Variants in ARFGEF1 observed in about 807,000 individuals in gnomAD.
ARFGEF1 encodes the protein ARF guanine nucleotide exchange factor 1, also known as brefeldin A-inhibited guanine nucleotide-exchange protein 1.
ARFGEF1 carries 42 observed loss-of-function variants against 231.0 expected under a neutral mutation model. That is an observed-to-expected ratio of 0.18 (90% CI 0.14 to 0.24). ARFGEF1 has a LOEUF of 0.24. Ranked by LOEUF, ARFGEF1 falls within the 10% of genes least tolerant of loss-of-function variation. The pLI is 1.00. For synonymous variants in ARFGEF1, 710 were observed against 732.3 expected, an observed-to-expected ratio of 0.97 and a Z score of 0.49; for missense variants, 1,345 against 2,192.0, an observed-to-expected ratio of 0.61 and a Z score of 7.72.
At chr8:67,200,901 A>G (rs1161315426) in intron 37 of ARFGEF1, among the ~76,000 whole-genome samples, 1 of 152,198 alleles carries the variant, frequency 6.6e-6, no homozygotes, top group Non-Finnish European at 1.5e-5. Context: ...GCCTTAATCA[A>G]TCAGTCTTGT....
At chr8:67,335,155 G>A (rs945399600) in intron 1 of ARFGEF1, among the ~76,000 whole-genome samples, 1 of 147,662 alleles carries the variant, frequency 6.8e-6, no homozygotes, top group Non-Finnish European at 1.5e-5. Flanking sequence ...ACCCAGGCTG[G>A]AGTGCAGTGG....
chr8:67,213,878 G>C (rs1838834446), intron 33 of ARFGEF1, among the ~76,000 whole-genome samples: 1 of 152,204 alleles, frequency 6.6e-6, no homozygotes. Context: ...AATCACGTAA[G>C]CCAGTTCCTT....
intron 7 of ARFGEF1, among the ~76,000 whole-genome samples, chr8:67,281,137 T>C (rs1379136325): frequency 6.6e-6 from 1 of 151,540 alleles, no homozygotes; most frequent in Non-Finnish European, 1.5e-5. Flanking sequence ...ATTTGCAAAA[T>C]GGAAAAACCC....
At chr8:67,232,159 C>T (rs1839574649) in intron 23 of ARFGEF1, among the ~76,000 whole-genome samples, 1 of 151,676 alleles carries the variant, frequency 6.6e-6, no homozygotes, top group African/African-American at 2.4e-5. Context: ...AAGATTTGTA[C>T]AAATTATGTT....
chr8:67,244,988 CAAAT>C (rs927554134), intron 19 of ARFGEF1, among the ~76,000 whole-genome samples: 3 of 150,332 alleles, frequency 2.0e-5, no homozygotes, highest in Non-Finnish European at 4.4e-5. Context: ...AGAAAAGAAA[CAAAT>C]AACATACAAT....
In ARFGEF1 at chr8:67,266,150, T is replaced by C; in HGVS notation, c.1979A>G (p.Asn660Ser). ...MSEIKHPETINRYGSLNSLES... is the reference protein window; with the variant it reads ...MSEIKHPETISRYGSLNSLES... Reference sequence around the variant, plus strand: ...CAGGGAATTTAAACTTCCGTATCTGTTTATTGTCTCAGGGTGTTTGATTTC... The same window carrying C: ...CAGGGAATTTAAACTTCCGTATCTGCTTATTGTCTCAGGGTGTTTGATTTC... The change falls in exon 14 of 39, where the codon AAC (asparagine) becomes AGC (serine). Residue 660 changes from asparagine to serine, a missense_variant. By Grantham distance (46) the Asn-to-Ser change is conservative. This residue lies in a region of ARFGEF1 where 105 missense variants were observed against 159.3 expected (regional missense o/e 0.66). Transcript: ENST00000262215. 1.2e-6 allele frequency: 2 copies of C among 1,613,834 alleles called. No homozygotes were observed. Among genetic ancestry groups the C allele is most frequent in the Non-Finnish European group, 1.7e-6 (2 of 1,179,860 alleles).
At chr8:67,225,760 A>G (rs1161614276) in intron 28 of ARFGEF1, among the ~76,000 whole-genome samples, 4 of 152,140 alleles carry the variant, frequency 2.6e-5, no homozygotes, top group African/African-American at 9.6e-5. Context: ...GTATGGGGCT[A>G]TAACACTATC....
At chr8:67,187,007 ATCTATCTAATCT>A (rs1449425953) in intron 5 of ARFGEF1, among the ~76,000 whole-genome samples, 2 of 150,726 alleles carry the variant, frequency 1.3e-5, no homozygotes, top group African/African-American at 2.4e-5. Context: ...CTATCTATCT[ATCTATCTAATCT>A]ATCTATCTAG....
chr8:67,173,816 T>G (rs1166479792), downstream of ARFGEF1: 3 of 152,224 alleles, frequency 2.0e-5, no homozygotes, highest in African/African-American at 7.2e-5. Flanking sequence ...GTGGGTCTCA[T>G]GAGGAGTTTG....
chr8:67,231,566 G>A (rs889257558), intron 23 of ARFGEF1, among the ~76,000 whole-genome samples: 7 of 152,048 alleles, frequency 4.6e-5, no homozygotes, highest in Admixed American at 3.3e-4. Context: ...TAGGTAAAAT[G>A]TTAAATCATG....
rs1308094842 is a variant in ARFGEF1 at position 67,244,276 on chromosome 8, C to A, written c.2851-3986G>T. On this transcript the variant is annotated intron_variant, in intron 19 of 38. Coordinates refer to ENST00000262215, the MANE Select transcript of ARFGEF1 (RefSeq NM_006421.5). Reference sequence around the variant, plus strand: ...AAAAAAAAAAAAAAAAAACATTCGACTACTGAGTCTCTCGTCTCTCTCTCT... The same window carrying A: ...AAAAAAAAAAAAAAAAAACATTCGAATACTGAGTCTCTCGTCTCTCTCTCT... Among the ~76,000 whole-genome samples, 6 of 67,624 alleles carry A rather than the reference C, an allele frequency of 8.9e-5. 3 individuals are homozygous for A. The highest frequency in any genetic ancestry group is 1.2e-4 in the African/African-American group (2 of 16,264). The allele number at this position is 67,624 out of a possible 152,430, so 44.4% of individuals were successfully genotyped here. A position where few individuals can be genotyped will look rare whatever the true frequency, so the allele number is the denominator to read the frequency against.
At chr8:67,241,262 T>C (rs1839917927) in intron 19 of ARFGEF1, among the ~76,000 whole-genome samples, 2 of 152,198 alleles carry the variant, frequency 1.3e-5, no homozygotes, top group Admixed American at 1.3e-4. Context: ...CCGCCACTTA[T>C]TTAATCTCTC....
intron 32 of ARFGEF1, among the ~76,000 whole-genome samples, chr8:67,216,997 C>CAA (rs751978111): frequency 2.3e-5 from 3 of 127,796 alleles, no homozygotes; most frequent in African/African-American, 8.5e-5. Flanking sequence ...AGAGGCTTCT[C>CAA]AAAAAAAAAA....
intron 21 of ARFGEF1, 66 bp downstream of exon 21, chr8:67,238,669 A>G: frequency 6.4e-7 from 1 of 1,550,804 alleles, no homozygotes; most frequent in Non-Finnish European, 8.8e-7. Flanking sequence ...CATGTCAATG[A>G]TGGACTATTT....
chr8:67,340,050 T>C (rs1045350527), intron 1 of ARFGEF1, among the ~76,000 whole-genome samples: 2 of 152,114 alleles, frequency 1.3e-5, no homozygotes, highest in Admixed American at 6.5e-5. Flanking sequence ...CACAATAAGC[T>C]GTAATTTCAT....
chr8:67,309,887 T>C (rs34965414), intron 1 of ARFGEF1, among the ~76,000 whole-genome samples: 1 of 152,216 alleles, frequency 6.6e-6, no homozygotes. Context: ...ATTATCCTTG[T>C]TATTCTGGGA....
intron 1 of ARFGEF1, among the ~76,000 whole-genome samples, chr8:67,339,805 G>GGGGGGGGGGGGGTGT (rs79194289): frequency 1.1e-5 from 1 of 92,686 alleles, no homozygotes; most frequent in Non-Finnish European, 2.2e-5. Context: ...CGGGGGGGGG[G>GGGGGGGGGGGGGTGT]ATTCTTTCTT....
intron 30 of ARFGEF1, 124 bp downstream of exon 30, chr8:67,219,307 C>T: frequency 8.5e-7 from 1 of 1,172,394 alleles, no homozygotes; most frequent in Non-Finnish European, 1.2e-6. Flanking sequence ...CATTCTCATG[C>T]CTTAAAGAAA....
intron 5 of ARFGEF1, chr8:67,175,651 G>T (rs1317852535): frequency 1.5e-6 from 1 of 671,384 alleles, no homozygotes; most frequent in Admixed American, 2.1e-5. Flanking sequence ...GCATGAGAGG[G>T]GCCCAGTCAT....
Sources: gnomAD v4.1 joint callset for allele counts (sites outside exome capture counted in the v4.1 genomes callset) on GRCh38, gnomAD v4.1.1 for gene constraint, gnomAD v4.1.1 regional missense constraint, MANE v1.5 for transcripts, NCBI Gene and HGNC (gene_info 2026-07-23, HGNC 2026-07-21) for gene names.